Variants in HOMER2 observed in about 807,000 individuals in gnomAD.
HOMER2 encodes homer scaffold protein 2.
A neutral mutation model predicts 47.0 loss-of-function variants in HOMER2; 27 were observed. That is an observed-to-expected ratio of 0.57 (90% CI 0.42 to 0.79). HOMER2 has a LOEUF of 0.79. Ranked by LOEUF, HOMER2 falls within the 30% of genes least tolerant of loss-of-function variation. The probability of loss-of-function intolerance (pLI) is 0.00; values close to 1 mark genes in which losing one functional copy is unlikely to be tolerated. For synonymous variants in HOMER2, 161 were observed against 163.8 expected (o/e 0.98, Z 0.13); for missense variants, 443 against 435.0 (o/e 1.02, Z -0.16).
At chr15:82,858,819 C>T (rs2051676288) in intron 5 of HOMER2, among the ~76,000 whole-genome samples, 2 of 152,134 alleles carry the variant, frequency 1.3e-5, no homozygotes, top group African/African-American at 4.8e-5. Flanking sequence ...CTCTCTATTT[C>T]CCACACACAC....
exon 2 of HOMER2, chr15:82,837,489 A>G (rs2051138679): frequency 2.6e-5 from 4 of 152,248 alleles, no homozygotes. Flanking sequence ...TTGTCCTTAG[A>G]AAAATGCTAC....
chr15:82,873,647 C>T (rs968394459), intron 3 of HOMER2, among the ~76,000 whole-genome samples: 1 of 152,168 alleles, frequency 6.6e-6, no homozygotes, highest in Non-Finnish European at 1.5e-5. Context: ...GTTTCCAGGC[C>T]CTGGTGATCT....
chr15:82,873,206 A>C lies in HOMER2; in HGVS notation c.294+2067T>G, dbSNP rs114461155. On this transcript the variant is annotated intron_variant, in intron 3 of 8. Transcript: ENST00000450735. ...AACACAGTGACCCACGCCAAGCATC[A>C]CACCTCTAGGCACCAGCCAGCTCCC... Among the ~76,000 whole-genome samples the C allele has an allele frequency of 1.1e-3, 173 of 152,224 alleles. 2 individuals are homozygous for C. The highest frequency in any genetic ancestry group is 3.9e-3 in the African/African-American group (163 of 41,554).
chr15:82,954,940 G>A (rs975399504), upstream of HOMER2, among the ~76,000 whole-genome samples: 1 of 151,580 alleles, frequency 6.6e-6, no homozygotes, highest in African/African-American at 2.4e-5. Flanking sequence ...CACCACCCCA[G>A]CTAATTTTTG....
At chr15:82,881,720 CAG>C (rs2052527642) in intron 2 of HOMER2, among the ~76,000 whole-genome samples, 2 of 152,284 alleles carry the variant, frequency 1.3e-5, no homozygotes, top group African/African-American at 4.8e-5. Flanking sequence ...CCAAATAAGT[CAG>C]AGTTTTGGAT....
intron 1 of HOMER2, among the ~76,000 whole-genome samples, chr15:82,922,505 T>C (rs903827447): frequency 6.6e-6 from 1 of 152,186 alleles, no homozygotes; most frequent in Non-Finnish European, 1.5e-5. Context: ...ATAGTTTGTG[T>C]CCACAGCTTT....
intron 1 of HOMER2, among the ~76,000 whole-genome samples, chr15:82,942,944 A>T (rs2054296460): frequency 6.6e-6 from 1 of 152,166 alleles, no homozygotes. Flanking sequence ...GAGCAGAGTG[A>T]CTGGGTCGTC....
At chr15:82,979,152 C>T (rs764942929) in intron 1 of HOMER2, among the ~76,000 whole-genome samples, 3 of 152,324 alleles carry the variant, frequency 2.0e-5, no homozygotes, top group South Asian at 2.1e-4. Flanking sequence ...CCTCCCCAGC[C>T]GTGCTGCACT....
upstream of HOMER2, chr15:82,986,103 C>T: frequency 1.0e-6 from 1 of 985,516 alleles, no homozygotes; most frequent in East Asian, 1.1e-4. Flanking sequence ...GGGCGTTGTG[C>T]CAGCATTTGA....
chr15:82,847,186 A>G (rs2051264460), downstream of HOMER2: 2 of 152,274 alleles, frequency 1.3e-5, no homozygotes, highest in African/African-American at 4.8e-5. Context: ...GCTGGATGTC[A>G]GAATAAACGA....
At chr15:82,975,795 G>A (rs2030180675) in intron 1 of HOMER2, among the ~76,000 whole-genome samples, 1 of 152,150 alleles carries the variant, frequency 6.6e-6, no homozygotes, top group African/African-American at 2.4e-5. Context: ...CTATTTGATA[G>A]CACAACAGAG....
In HOMER2 at chr15:82,841,076, GA is replaced by G. The variant is rs560967234; in HGVS notation, c.*6197del. The G allele has an allele frequency of 1.9e-4, 29 of 152,058 alleles. 1 individual carries two copies. The highest frequency in any genetic ancestry group is 1.6e-3 in the Admixed American group (24 of 15,280). 9.4% of individuals were successfully genotyped at this position (152,058 alleles called of 1,614,324 possible). A position where few individuals can be genotyped will look rare whatever the true frequency, so the allele number is the denominator to read the frequency against. On this transcript the variant is annotated 3_prime_UTR_variant, in exon 2 of 2. Transcript: ENST00000558090. ...TAATAAAATGAGAAAACCAAATCCA[GA>G]AGAATTTCACAATTTAAAGCTCTTA...
intron 1 of HOMER2, among the ~76,000 whole-genome samples, chr15:82,921,480 G>C (rs370595775): frequency 6.6e-6 from 1 of 151,942 alleles, no homozygotes; most frequent in Admixed American, 6.6e-5. Flanking sequence ...AATACCATCC[G>C]CCTACCCTGG....
At chr15:82,912,466 C>CT (rs1032839122) in intron 1 of HOMER2, among the ~76,000 whole-genome samples, 3 of 151,344 alleles carry the variant, frequency 2.0e-5, no homozygotes, top group Non-Finnish European at 4.4e-5. Flanking sequence ...GGATATATCA[C>CT]TTTTTTTTTA....
chr15:82,960,688 G>A (rs766667937), intron 1 of HOMER2, among the ~76,000 whole-genome samples: 9 of 152,078 alleles, frequency 5.9e-5, no homozygotes, highest in Admixed American at 2.0e-4. Flanking sequence ...CCTACTATGC[G>A]CCAGCCTAGC....
chr15:82,867,508 A>C (rs1482860029), intron 3 of HOMER2, among the ~76,000 whole-genome samples: 1 of 152,196 alleles, frequency 6.6e-6, no homozygotes, highest in Non-Finnish European at 1.5e-5. Context: ...AAGCCCAGTA[A>C]ATAAATGGCA....
intron 1 of HOMER2, among the ~76,000 whole-genome samples, chr15:82,897,560 C>G (rs1686993436): frequency 6.6e-6 from 1 of 152,270 alleles, no homozygotes; most frequent in East Asian, 1.9e-4. Context: ...TTTTAACCAA[C>G]AGAATATGGC....
At chr15:82,892,559 A>G (rs1331271498) in intron 2 of HOMER2, 126 bp downstream of exon 2, 2 of 718,916 alleles carry the variant, frequency 2.8e-6, no homozygotes, top group Non-Finnish European at 4.2e-6. Context: ...TTAAATGCAA[A>G]AAGAACAGAA....
chr15:82,864,190 C>G lies in HOMER2; in HGVS notation c.364G>C (p.Glu122Gln), dbSNP rs1279077118. 17 of 1,610,542 alleles carry G rather than the reference C, an allele frequency of 1.1e-5. No homozygotes were observed. Among genetic ancestry groups the G allele is most frequent in the Non-Finnish European group, 1.4e-5 (16 of 1,178,152 alleles). Residue 122 changes from glutamate (E) to glutamine (Q), a missense_variant, in exon 4 of 9, where the codon GAG becomes CAG. Physicochemically the swap from Glu to Gln is conservative, Grantham distance 29. Coordinates refer to ENST00000450735, the MANE Select transcript of HOMER2 (RefSeq NM_004839.4). Reference protein sequence around the residue: ...IAKDKTQEKIETSSNHSQASS... With the variant: ...IAKDKTQEKIQTSSNHSQASS... ...ACTTGGGAATGATTACTTGAGGTCT[C>G]GATTTTCTCCTGCGTCTTGTCTTTG...
Sources: gnomAD v4.1 joint callset for allele counts (sites outside exome capture counted in the v4.1 genomes callset) on GRCh38, gnomAD v4.1.1 for gene constraint, MANE v1.5 for transcripts, NCBI Gene and HGNC (gene_info 2026-07-23, HGNC 2026-07-21) for gene names.